The following APELA variants were observed in gnomAD, a reference collection of about 807,000 sequenced individuals.
APELA encodes the protein apelin receptor early endogenous ligand.
rs571583374 is a variant in APELA, at chr4:164,896,379, G to C, written c.*965G>C. The C allele has an allele frequency of 6.6e-6, 1 of 152,148 alleles. No individual in the cohort carries two copies. Among genetic ancestry groups the C allele is most frequent in the Non-Finnish European group, 1.5e-5 (1 of 68,026 alleles). 9.4% of individuals were successfully genotyped at this position (152,148 alleles called of 1,614,324 possible). A position where few individuals can be genotyped will look rare whatever the true frequency, so the allele number is the denominator to read the frequency against. On this transcript the variant is annotated 3_prime_UTR_variant, in exon 3 of 3. Transcript: ENST00000507152. ...CATCATGTAATTATAGGAACCCAAC[G>C]TTTGATTTCCTTTGAAGTTTTGTTA...
At chr4:164,884,458 C>T (rs1253132684) in intron 2 of APELA, among the ~76,000 whole-genome samples, 1 of 152,214 alleles carries the variant, frequency 6.6e-6, no homozygotes, top group Non-Finnish European at 1.5e-5. Context: ...AGTTATCCCG[C>T]TGTAGGTCAA....
At chr4:164,886,874 G>A (rs962811514) in intron 2 of APELA, among the ~76,000 whole-genome samples, 2 of 151,320 alleles carry the variant, frequency 1.3e-5, no homozygotes, top group African/African-American at 4.9e-5. Context: ...AGGCTGGAGT[G>A]TAGTGCAGTG....
At chr4:164,891,247 T>A (rs1300524167) in intron 2 of APELA, among the ~76,000 whole-genome samples, 2 of 152,172 alleles carry the variant, frequency 1.3e-5, no homozygotes, top group Non-Finnish European at 2.9e-5. Flanking sequence ...CAAATTAGTC[T>A]ATGTTTTCTT....
chr4:164,892,048 T>C (rs7658567), intron 2 of APELA, among the ~76,000 whole-genome samples: 11,832 of 152,134 alleles, frequency 0.078, 1,393 homozygotes, highest in African/African-American at 0.26. Context: ...TGGTGGCTCA[T>C]GCCTGTAATT....
intron 2 of APELA, among the ~76,000 whole-genome samples, chr4:164,887,963 C>T (rs1730805789): frequency 6.6e-6 from 1 of 152,144 alleles, no homozygotes; most frequent in South Asian, 2.1e-4. Context: ...GATTTCACAG[C>T]AGAATTTAGC....
intron 2 of APELA, among the ~76,000 whole-genome samples, chr4:164,891,162 T>C (rs1730875105): frequency 6.6e-6 from 1 of 152,182 alleles, no homozygotes; most frequent in Non-Finnish European, 1.5e-5. Context: ...GATGTGCAAA[T>C]ATTTTCTTCC....
chr4:164,884,121 G>GAAAGAAAA (rs5863729), intron 2 of APELA, among the ~76,000 whole-genome samples: 1 of 113,290 alleles, frequency 8.8e-6, no homozygotes, highest in Non-Finnish European at 1.8e-5. Flanking sequence ...AAGAAAGAAA[G>GAAAGAAAA]AGAAAGAAAG....
At chr4:164,882,703 A>G (rs372617733) in intron 2 of APELA, among the ~76,000 whole-genome samples, 16 of 152,076 alleles carry the variant, frequency 1.1e-4, no homozygotes, top group East Asian at 9.7e-4. Flanking sequence ...CCATTAACTC[A>G]TCATTTAGCA....
At position 164,878,935 on chromosome 4, in the gene APELA, G is replaced by A. The variant is rs1730606190; in HGVS notation, c.92G>A (p.Arg31Lys). The change falls in exon 2 of 3, where the codon AGA becomes AAA. Residue 31 changes from arginine to lysine, a missense_variant. Arg to Lys is a conservative substitution (Grantham distance 26). Transcript: ENST00000507152. ...TTTCCTTCAGTTAATTTGACCATGA[G>A]AAGAAAACTGCGCAAACACAATTGC... is the stretch of plus-strand genomic sequence containing the variant. ...SGQRPVNLTMRRKLRKHNCLQ... is the reference protein window; with the variant it reads ...SGQRPVNLTMKRKLRKHNCLQ... The A allele has an allele frequency of 2.5e-6, 1 of 398,812 alleles. No homozygotes were observed. Among genetic ancestry groups the A allele is most frequent in the Non-Finnish European group, 4.4e-6 (1 of 226,024 alleles). 24.7% of individuals were successfully genotyped at this position (398,812 alleles called of 1,614,324 possible).
chr4:164,890,106 T>C (rs1367093117), intron 2 of APELA, among the ~76,000 whole-genome samples: 1 of 152,212 alleles, frequency 6.6e-6, no homozygotes, highest in Non-Finnish European at 1.5e-5. Flanking sequence ...ATATTTATGT[T>C]TTGTAATATT....
chr4:164,886,525 TA>T (rs770233943), intron 2 of APELA, among the ~76,000 whole-genome samples: 8 of 152,058 alleles, frequency 5.3e-5, no homozygotes, highest in Non-Finnish European at 1.2e-4. Context: ...TGTATACCTA[TA>T]GTTCCAGCTA....
intron 2 of APELA, among the ~76,000 whole-genome samples, chr4:164,879,517 T>G (rs1023915594): frequency 2.0e-5 from 3 of 152,102 alleles, no homozygotes; most frequent in African/African-American, 7.2e-5. Context: ...TGATCCCAGC[T>G]CATTGCAGCC....
chr4:164,895,259 A>G (rs994782992), intron 2 of APELA, among the ~76,000 whole-genome samples, 157 bp from the exon 3 acceptor site: 8 of 152,240 alleles, frequency 5.3e-5, no homozygotes, highest in Non-Finnish European at 8.8e-5. Context: ...CTGCATTTCT[A>G]TTGGAAGGTA....
At chr4:164,879,141 C>A (rs1028929471) in intron 2 of APELA, 132 bp downstream of exon 2, 2 of 395,226 alleles carry the variant, frequency 5.1e-6, no homozygotes, top group Admixed American at 4.4e-5. Flanking sequence ...GAGATGCATA[C>A]CAATAAATGA....
chr4:164,879,891 A>G (rs1180759403), intron 2 of APELA, among the ~76,000 whole-genome samples: 1 of 152,214 alleles, frequency 6.6e-6, no homozygotes, highest in East Asian at 1.9e-4. Context: ...CATCTTAAGG[A>G]TAAATTCTGG....
intron 2 of APELA, among the ~76,000 whole-genome samples, chr4:164,891,466 C>G (rs937351118): frequency 2.0e-5 from 3 of 152,098 alleles, no homozygotes; most frequent in Non-Finnish European, 4.4e-5. Flanking sequence ...TTGTTCAGGT[C>G]TACTTTAATT....
chr4:164,893,164 C>T (rs1475777927), intron 2 of APELA, among the ~76,000 whole-genome samples: 2 of 152,078 alleles, frequency 1.3e-5, no homozygotes, highest in Admixed American at 6.6e-5. Context: ...GTTTGCTCTT[C>T]CATGTTTAGG....
chr4:164,884,494 T>A (rs1384425137), intron 2 of APELA, among the ~76,000 whole-genome samples: 1 of 152,204 alleles, frequency 6.6e-6, no homozygotes, highest in African/African-American at 2.4e-5. Flanking sequence ...ATAACAATAA[T>A]TTGACAAACA....
chr4:164,878,196 A>AAAGAAAGAAAGAAAGAAAGAAAG (rs1553970695), intron 1 of APELA, among the ~76,000 whole-genome samples: 98 of 143,476 alleles, frequency 6.8e-4, no homozygotes, highest in African/African-American at 2.4e-3. Flanking sequence ...AGAAACAGAA[A>AAAGAAAGAAAGAAAGAAAGAAAG]AAAGAAAGAA....
Sources: gnomAD v4.1 joint callset for allele counts (sites outside exome capture counted in the v4.1 genomes callset) on GRCh38, gnomAD v4.1.1 for gene constraint, MANE v1.5 for transcripts, NCBI Gene and HGNC (gene_info 2026-07-23, HGNC 2026-07-21) for gene names.